The following IGHMBP2 variants were observed in gnomAD, a reference collection of about 807,000 sequenced individuals.
IGHMBP2 encodes the protein immunoglobulin mu DNA binding protein 2.
Under a neutral mutation model 96.0 loss-of-function variants are expected in IGHMBP2, and 81 were observed. That is an observed-to-expected ratio of 0.84 (90% CI 0.71 to 1.01). IGHMBP2 has a LOEUF of 1.01. Among genes scored for constraint, IGHMBP2 ranks in the 50% least tolerant of loss-of-function variants. The probability of loss-of-function intolerance (pLI) is 0.00; values close to 1 mark genes in which losing one functional copy is unlikely to be tolerated. For synonymous variants in IGHMBP2, 557 were observed against 548.9 expected (o/e 1.01, Z -0.21); for missense variants, 1,227 against 1,306.3 (o/e 0.94, Z 0.94).
intron 7 of IGHMBP2, among the ~76,000 whole-genome samples, chr11:68,922,148 T>G (rs1462349218): frequency 1.3e-5 from 2 of 151,822 alleles, no homozygotes; most frequent in African/African-American, 2.4e-5. Context: ...CTGGCCCACA[T>G]GTACTAAAAA....
chr11:68,913,043 C>CAAAAAAAAAAAAAAAAAAAAAAAAA (rs71043469), intron 5 of IGHMBP2, among the ~76,000 whole-genome samples: 1 of 37,468 alleles, frequency 2.7e-5, no homozygotes, highest in Non-Finnish European at 4.5e-5. Flanking sequence ...ACTCCATCTC[C>CAAAAAAAAAAAAAAAAAAAAAAAAA]AAAAAAAAAA....
At chr11:68,926,962 C>T (rs975777285) in intron 7 of IGHMBP2, among the ~76,000 whole-genome samples, 1 of 152,108 alleles carries the variant, frequency 6.6e-6, no homozygotes, top group Non-Finnish European at 1.5e-5. Context: ...GATGGGGTCA[C>T]CATGTTGGCC....
chr11:68,935,174 C>T (rs968610821), intron 11 of IGHMBP2, 125 bp from the exon 12 acceptor site: 4 of 1,314,562 alleles, frequency 3.0e-6, no homozygotes, highest in African/African-American at 2.9e-5. Flanking sequence ...CATGGGGCTC[C>T]TGCAGGCTCC....
At chr11:68,916,680 T>G (rs558122128) in intron 6 of IGHMBP2, among the ~76,000 whole-genome samples, 1 of 152,238 alleles carries the variant, frequency 6.6e-6, no homozygotes, top group African/African-American at 2.4e-5. Flanking sequence ...AGCCAGTCTT[T>G]GCTATGGGCC....
chr11:68,936,141 C>G, intron 12 of IGHMBP2, 96 bp from the exon 13 acceptor site: 1 of 1,441,644 alleles, frequency 6.9e-7, no homozygotes, highest in East Asian at 2.3e-5. Flanking sequence ...GCGCAGGGGA[C>G]TACACTTTTG....
intron 5 of IGHMBP2, among the ~76,000 whole-genome samples, chr11:68,913,662 T>G (rs1341294546): frequency 6.6e-6 from 1 of 152,070 alleles, no homozygotes; most frequent in Non-Finnish European, 1.5e-5. Context: ...CTCATGTCTG[T>G]TATCCTAGCG....
At chr11:68,929,642 A>G in intron 8 of IGHMBP2, 3 of 652,902 alleles carry the variant, frequency 4.6e-6, no homozygotes, top group Non-Finnish European at 5.7e-6. Context: ...TGAGTTGAAT[A>G]TCCCCTCATG....
At position 68,936,694 on chromosome 11, in the gene IGHMBP2, C is replaced by T. The variant is rs780696376; in HGVS notation, c.2214C>T (p.Ala738=). 1.9e-6 allele frequency: 3 copies of T among 1,614,064 alleles called. No individual in the cohort carries two copies. The highest frequency in any genetic ancestry group is 4.5e-5 in the East Asian group (2 of 44,876). Residue 738 remains alanine, a synonymous_variant, in exon 13 of 15, where the codon GCC becomes GCT. Coordinates refer to ENST00000255078, the MANE Select transcript of IGHMBP2 (RefSeq NM_002180.3). The stretch of plus-strand genomic sequence containing the variant: ...GGGCCATGATAGTGGAGTTCATGGC[C>T]AGCAAGAAGATGCAGTTGGAGTTTC... ...HFRAMIVEFM[A]SKKMQLEFPP... is the part of the protein sequence containing the mutation.
chr11:68,908,831 G>A lies in IGHMBP2; in HGVS notation c.547+200G>A, dbSNP rs538789639. On this transcript the variant is annotated intron_variant, in intron 4 of 14. Coordinates refer to ENST00000255078, the MANE Select transcript of IGHMBP2 (RefSeq NM_002180.3). ...GTACTCAGTCCTAATGAACTGGCTC[G>A]TTCCATTGAGGTTTTTTTTTTTTTT... Among the ~76,000 whole-genome samples, 3 of 147,298 alleles carry A rather than the reference G, an allele frequency of 2.0e-5. No individual in the cohort carries two copies. In the Admixed American group the frequency reaches 2.1e-4, roughly 10 times the overall value.
rs1476668368 is a variant in IGHMBP2 at position 68,938,251 on chromosome 11, A to G, written c.2681A>G (p.Asp894Gly). The G allele has an allele frequency of 2.5e-6, 4 of 1,614,054 alleles. No homozygotes were observed. Among genetic ancestry groups the G allele is most frequent in the East Asian group, 2.2e-5 (1 of 44,876 alleles). The part of the protein sequence containing the change: ...EALVSAAVKA[D>G]NTCGFAKCTA... ...CTGGTTTCTGCCGCCGTTAAGGCTG[A>G]TAACACCTGCGGCTTTGCCAAGTGC... The change falls in exon 14 of 15, where the codon GAT becomes GGT. Residue 894 changes from aspartate (D) to glycine (G), a missense_variant. Physicochemically the swap from Asp to Gly is moderately conservative, Grantham distance 94. This residue lies in a region of IGHMBP2 where 703 missense variants were observed against 770.3 expected (regional missense o/e 0.91). Transcript: ENST00000255078.
intron 7 of IGHMBP2, among the ~76,000 whole-genome samples, chr11:68,919,853 A>G (rs1858813627): frequency 6.6e-6 from 1 of 152,118 alleles, no homozygotes; most frequent in Non-Finnish European, 1.5e-5. Flanking sequence ...TTTGAAATCT[A>G]CTTTGTCTGA....
intron 8 of IGHMBP2, chr11:68,929,594 A>G: frequency 2.7e-6 from 1 of 374,392 alleles, no homozygotes; most frequent in Non-Finnish European, 3.7e-6. Flanking sequence ...AACTGGACAC[A>G]GGGCCTGGCA....
intron 14 of IGHMBP2, 96 bp from the exon 15 acceptor site, chr11:68,939,438 G>T: frequency 7.6e-7 from 1 of 1,314,298 alleles, no homozygotes; most frequent in Non-Finnish European, 1.1e-6. Context: ...TTCTCTGTTG[G>T]GGCGCCTGTG....
chr11:68,904,963 A>AT (rs1858130096), intron 1 of IGHMBP2, among the ~76,000 whole-genome samples: 1 of 151,574 alleles, frequency 6.6e-6, no homozygotes, highest in African/African-American at 2.4e-5. Context: ...CGTCCTGCTA[A>AT]TTTTTTGTAT....
chr11:68,938,036 G>T lies in IGHMBP2; in HGVS notation c.2612-146G>T, dbSNP rs513615. The T allele has an allele frequency of 0.3, 246,387 of 834,806 alleles. 40,314 individuals carry two copies. Among genetic ancestry groups the T allele is most frequent in the South Asian group, 0.46 (33,136 of 72,176 alleles). 51.7% of individuals were successfully genotyped at this position (834,806 alleles called of 1,614,324 possible). On this transcript the variant is annotated intron_variant, in intron 13 of 14. Coordinates refer to ENST00000255078, the MANE Select transcript of IGHMBP2 (RefSeq NM_002180.3). ...CCAGGCTAGTTTTGAACTCCTGGCC[G>T]CAAGCAGTCCTCCTACCTCAGCCTC...
chr11:68,916,975 C>CTTTTT lies in IGHMBP2; in HGVS notation c.913-739_913-735dup, dbSNP rs11418103. The stretch of plus-strand genomic sequence containing the variant: ...AATCACAAATAAGGAAAGGTTACAT[C>CTTTTT]TTTTTTTTTTTTTTTTTTTTTTTTT... On this transcript the variant is annotated intron_variant, in intron 6 of 14. Coordinates refer to ENST00000255078, the MANE Select transcript of IGHMBP2 (RefSeq NM_002180.3). 1.3e-3 allele frequency among the ~76,000 whole-genome samples: 131 copies of CTTTTT among 103,336 alleles called. 11 individuals carry two copies. Among genetic ancestry groups the CTTTTT allele is most frequent in the African/African-American group, 1.7e-3 (39 of 23,342 alleles). 67.8% of individuals were successfully genotyped at this position (103,336 alleles called of 152,430 possible).
intron 10 of IGHMBP2, 69 bp from the exon 11 acceptor site, chr11:68,934,395 C>G: frequency 9.1e-7 from 1 of 1,097,384 alleles, no homozygotes; most frequent in Non-Finnish European, 1.4e-6. Context: ...GTGCCCGAAA[C>G]ACGTGTTGGT....
At chr11:68,932,984 G>T (rs982650809) in intron 8 of IGHMBP2, 3 of 446,064 alleles carry the variant, frequency 6.7e-6, no homozygotes, top group South Asian at 2.5e-5. Flanking sequence ...ACTGACCCTC[G>T]CATGCCCCCT....
Position 68,904,011 on chromosome 11 carries a change from A to T in IGHMBP2, c.59A>T (p.Glu20Val). Residue 20 changes from glutamate (E) to valine (V), a missense_variant, in exon 1 of 15, where the codon GAG becomes GTG. By Grantham distance (121) the Glu-to-Val change is moderately radical. This residue lies in a region of IGHMBP2 where 507 missense variants were observed against 496.9 expected (regional missense o/e 1.02). Transcript: ENST00000255078. Reference sequence around the variant, plus strand: ...AAGCAACTGGACCTGCTGGAGCTTGAGAGAGACGCGGAGGTGGAGGAGCGC... The same window carrying T: ...AAGCAACTGGACCTGCTGGAGCTTGTGAGAGACGCGGAGGTGGAGGAGCGC... ...VTKQLDLLEL[E>V]RDAEVEERRS... 1 of 1,549,986 alleles carries T rather than the reference A, an allele frequency of 6.5e-7. No homozygotes were observed. The highest frequency in any genetic ancestry group is 8.7e-7 in the Non-Finnish European group (1 of 1,146,578).
Sources: allele counts gnomAD v4.1 joint callset (sites outside exome capture counted in the v4.1 genomes callset), GRCh38; gene constraint gnomAD v4.1.1; regional missense constraint gnomAD v4.1.1; transcripts MANE v1.5; gene names NCBI Gene and HGNC (gene_info 2026-07-23, HGNC 2026-07-21).